APOM: variants seen among roughly 807,000 people sequenced by gnomAD.
APOM encodes apolipoprotein M, also known as NG20-like protein.
Under a neutral mutation model 23.5 loss-of-function variants are expected in APOM, and 24 were observed. The ratio of observed to expected loss-of-function variants is 1.02; its 90% CI spans 0.74 to 1.44. APOM has a LOEUF of 1.44. Among genes scored for constraint, APOM ranks in the 40% most tolerant of loss-of-function variants. APOM has a pLI of 0.00. For missense variants in APOM, 200 were observed against 233.2 expected (o/e 0.86, Z 0.93); for synonymous variants, 82 against 84.1 (o/e 0.97, Z 0.14).
upstream of APOM, chr6:31,655,694 T>G (rs1799962932): frequency 2.6e-6 from 1 of 381,158 alleles, no homozygotes; most frequent in African/African-American, 2.0e-5. Context: ...GACCACAGGC[T>G]TCTCCCTGGA....
At chr6:31,653,635 C>T (rs1343395778), upstream of APOM, among the ~76,000 whole-genome samples, 1 of 152,166 alleles carries the variant, frequency 6.6e-6, no homozygotes, top group South Asian at 2.1e-4. Context: ...CTACAGGACT[C>T]CAGATCGAGC....
At chr6:31,654,487 A>C (rs1799786966), upstream of APOM, among the ~76,000 whole-genome samples, 1 of 152,008 alleles carries the variant, frequency 6.6e-6, no homozygotes, top group Non-Finnish European at 1.5e-5. Context: ...CAGGAGTTTA[A>C]TACCAGCCTG....
At position 31,657,399 on chromosome 6, in the gene APOM, T is replaced by C. The variant is rs1721272266; in HGVS notation, c.363T>C (p.Thr121=). ...LRTEGRPDMK[T]ELFSSSCPGG... ...TGACAGGCCGCCCTGACATGAAGAC[T>C]GAGCTCTTTTCCAGCTCATGCCCAG... The change falls in exon 4 of 6, where the codon ACT becomes ACC. Residue 121 remains threonine (T), a synonymous_variant. Coordinates refer to ENST00000375916, the MANE Select transcript of APOM (RefSeq NM_019101.3). The C allele has an allele frequency of 1.2e-6, 2 of 1,613,000 alleles. No homozygotes were observed. Among genetic ancestry groups the C allele is most frequent in the African/African-American group, 2.7e-5 (2 of 74,946 alleles).
chr6:31,657,140 T>C (rs1461198791), intron 2 of APOM, 85 bp from the exon 3 acceptor site: 7 of 1,315,564 alleles, frequency 5.3e-6, no homozygotes, highest in Non-Finnish European at 7.5e-6. Context: ...AGTGAGACTC[T>C]GTCTCAAAAA....
Position 31,657,464 on chromosome 6 carries a change from G to A in APOM, c.428G>A (p.Arg143His), listed in dbSNP as rs762780216. The change falls in exon 4 of 6, where the codon CGC becomes CAC. Residue 143 changes from arginine to histidine, a missense_variant. Arg to His is a conservative substitution (Grantham distance 29, BLOSUM62 0). Coordinates refer to ENST00000375916, the MANE Select transcript of APOM (RefSeq NM_019101.3). ...MLNETGQGYQRFLLYNRSPHP... is the reference protein window; with the variant it reads ...MLNETGQGYQHFLLYNRSPHP... ...AATGAGACAGGCCAGGGTTACCAGC[G>A]CTTTCTCCTCTACAGTGAGTAGGGA... 40 of 1,612,608 alleles carry A rather than the reference G, an allele frequency of 2.5e-5. No individual in the cohort carries two copies. Among genetic ancestry groups the A allele is most frequent in the Middle Eastern group, 1.7e-4 (1 of 6,008 alleles).
At chr6:31,654,672 C>T (rs1028065618), upstream of APOM, among the ~76,000 whole-genome samples, 2 of 152,174 alleles carry the variant, frequency 1.3e-5, no homozygotes, top group African/African-American at 4.8e-5. Context: ...CGAGGAAGAT[C>T]CATCTCTCAC....
At chr6:31,654,007 G>A (rs12525463), upstream of APOM, among the ~76,000 whole-genome samples, 368 of 152,222 alleles carry the variant, frequency 2.4e-3, 3 homozygotes, top group Admixed American at 0.02. Flanking sequence ...TCACACTTGG[G>A]AGGATGAGGC....
At chr6:31,654,783 T>C (rs1416037078), upstream of APOM, among the ~76,000 whole-genome samples, 1 of 152,234 alleles carries the variant, frequency 6.6e-6, no homozygotes, top group Non-Finnish European at 1.5e-5. Flanking sequence ...AGAAACTAAG[T>C]GCTTTGCAAA....
chr6:31,655,928 G>C lies in APOM; in HGVS notation c.-39G>C. 1 of 1,427,906 alleles carries C rather than the reference G, an allele frequency of 7.0e-7. No individual in the cohort carries two copies. Among genetic ancestry groups the C allele is most frequent in the Non-Finnish European group, 9.7e-7 (1 of 1,031,532 alleles). 88.5% of individuals were successfully genotyped at this position (1,427,906 alleles called of 1,614,324 possible). A position where few individuals can be genotyped will look rare whatever the true frequency, so the allele number is the denominator to read the frequency against. ...TGAGCAGCCAGTAGGGGAGAGAGCA[G>C]TTAAGGCACACAGAGCACCAGCTCC... On this transcript the variant is annotated 5_prime_UTR_variant, in exon 1 of 6. Coordinates refer to ENST00000375916, the MANE Select transcript of APOM (RefSeq NM_019101.3).
At chr6:31,657,917 G>A (rs1393873901) in intron 5 of APOM, 147 bp from the exon 6 acceptor site, 2 of 981,422 alleles carry the variant, frequency 2.0e-6, no homozygotes, top group African/African-American at 3.2e-5. Flanking sequence ...GGGGGCAGAG[G>A]GTCATACGTG....
chr6:31,656,394 C>A, intron 1 of APOM, 78 bp from the exon 2 acceptor site: 1 of 1,460,444 alleles, frequency 6.8e-7, no homozygotes, highest in Non-Finnish European at 9.4e-7. Flanking sequence ...CTAAATCTTG[C>A]TGTTTTGACT....
At chr6:31,653,932 T>TGCTGGGATTATA (rs1224818665), upstream of APOM, among the ~76,000 whole-genome samples, 2 of 152,116 alleles carry the variant, frequency 1.3e-5, no homozygotes, top group African/African-American at 4.8e-5. Flanking sequence ...ATTATAGGTG[T>TGCTGGGATTATA]GAGCTACTGT....
upstream of APOM, chr6:31,655,867 A>G: frequency 1.3e-6 from 1 of 751,892 alleles, no homozygotes; most frequent in Non-Finnish European, 2.3e-6. Context: ...GAAAGGGTCA[A>G]GGGTCGAACG....
At position 31,657,041 on chromosome 6, in the gene APOM, G is replaced by A. The variant is rs146017759; in HGVS notation, c.270-184G>A. 6.5e-3 allele frequency among the ~76,000 whole-genome samples: 987 copies of A among 152,100 alleles called. 9 individuals carry two copies. The highest frequency in any genetic ancestry group is 0.031 in the Middle Eastern group (9 of 294). On this transcript the variant is annotated intron_variant, in intron 2 of 5. Coordinates refer to ENST00000375916, the MANE Select transcript of APOM (RefSeq NM_019101.3). ...GGCACCTGTAGTCCCAGCTACTCACGAGGTTGAGGCAGGAGAATGGCGTGA... is the reference window on the plus strand; with the variant it reads ...GGCACCTGTAGTCCCAGCTACTCACAAGGTTGAGGCAGGAGAATGGCGTGA...
At chr6:31,655,488 C>G (rs1332702962), upstream of APOM, 1 of 153,680 alleles carries the variant, frequency 6.5e-6, no homozygotes, top group Non-Finnish European at 1.4e-5. Context: ...AGTTTTCCCT[C>G]TAACGACTTC....
chr6:31,655,814 G>A, upstream of APOM: 2 of 608,958 alleles, frequency 3.3e-6, no homozygotes, highest in Non-Finnish European at 5.9e-6. Context: ...AAGTAATCCA[G>A]GTTTGGGTTG....
chr6:31,658,158 A>G lies in APOM; in HGVS notation c.*69A>G. The G allele has an allele frequency of 2.7e-6, 4 of 1,504,442 alleles. No homozygotes were observed. Among genetic ancestry groups the G allele is most frequent in the East Asian group, 2.3e-5 (1 of 44,370 alleles). The allele number at this position is 1,504,442 out of a possible 1,614,324, so 93.2% of individuals were successfully genotyped here. ...GAGTTGTTGGAGGGAGAAGCTGGAG[A>G]CTTCCAGCTCCAGCTCCCACTCAAG... On this transcript the variant is annotated 3_prime_UTR_variant, in exon 6 of 6. Transcript: ENST00000375916.
intron 3 of APOM, 22 bp from the exon 4 acceptor site, chr6:31,657,358 C>A (rs750468048): frequency 1.5e-5 from 24 of 1,612,922 alleles, no homozygotes; most frequent in Admixed American, 3.3e-5. Flanking sequence ...TGTTCTCATA[C>A]TTCTCCCACC....
chr6:31,656,405 G>A, intron 1 of APOM, 67 bp from the exon 2 acceptor site: 14 of 1,531,562 alleles, frequency 9.1e-6, no homozygotes, highest in Non-Finnish European at 1.2e-5. Flanking sequence ...TGTTTTGACT[G>A]ATGAAGAGGT....
Sources: gnomAD v4.1 joint callset for allele counts (sites outside exome capture counted in the v4.1 genomes callset) on GRCh38, gnomAD v4.1.1 for gene constraint, MANE v1.5 for transcripts, NCBI Gene and HGNC (gene_info 2026-07-23, HGNC 2026-07-21) for gene names.